DACH2: variants seen among roughly 807,000 people sequenced by gnomAD.
DACH2 encodes the protein dachshund family transcription factor 2.
A neutral mutation model predicts 35.8 loss-of-function variants in DACH2; 17 were observed. The observed-to-expected ratio is 0.48, with a 90% CI of 0.33 to 0.71. The LOEUF (loss-of-function observed/expected upper bound fraction) is 0.71, where lower values mean the gene tolerates loss of function less well. DACH2 is among the 30% of genes least tolerant of loss of function. The probability of loss-of-function intolerance (pLI) is 0.02; values close to 1 mark genes in which losing one functional copy is unlikely to be tolerated. For synonymous variants in DACH2, 195 were observed against 177.3 expected, an observed-to-expected ratio of 1.10 and a Z score of -0.79; for missense variants, 469 against 472.7, an observed-to-expected ratio of 0.99 and a Z score of 0.07.
At chrX:86,190,466 G>T (rs191022892) in intron 1 of DACH2, among the ~76,000 whole-genome samples, 2 of 111,546 alleles carry the variant, frequency 1.8e-5, no homozygotes, top group Non-Finnish European at 3.8e-5. Context: ...TTCTTGGAAC[G>T]CCTTCTTCAT....
intron 1 of DACH2, among the ~76,000 whole-genome samples, chrX:86,279,403 T>A (rs964839088): frequency 1.4e-4 from 16 of 111,285 alleles, no homozygotes; most frequent in Non-Finnish European, 5.7e-5. Context: ...GCAAAGAGGG[T>A]CTGGAGAGGA....
intron 3 of DACH2, among the ~76,000 whole-genome samples, chrX:86,614,101 A>C (rs2039977655): frequency 8.9e-6 from 1 of 112,075 alleles, no homozygotes; most frequent in Admixed American, 9.5e-5. Flanking sequence ...TCTGTTTTCA[A>C]GTGAGATACC....
Position 86,483,141 on chromosome X carries a change from T to TAA in DACH2, c.528-31129_528-31128dup, listed in dbSNP as rs764980235. Among the ~76,000 whole-genome samples the TAA allele has an allele frequency of 3.7e-4, 27 of 73,209 alleles. No homozygotes were observed. In the East Asian group the frequency reaches 4.6e-3, roughly 12 times the overall value. The allele number at this position is 73,209 out of a possible 115,157, so 63.6% of individuals were successfully genotyped here. On this transcript the variant is annotated intron_variant, in intron 2 of 11. Coordinates refer to ENST00000373125, the MANE Select transcript of DACH2 (RefSeq NM_053281.3). Reference sequence around the variant, plus strand: ...TACCCTAAAACTTAAAGTATAATAATAAAAAAAAAACAAGCATAAAAAAAA... The same window carrying TAA: ...TACCCTAAAACTTAAAGTATAATAATAAAAAAAAAAAACAAGCATAAAAAAAA...
chrX:86,603,117 G>T (rs2039811762), intron 3 of DACH2, among the ~76,000 whole-genome samples: 1 of 111,056 alleles, frequency 9.0e-6, no homozygotes, highest in African/African-American at 3.3e-5. Flanking sequence ...TGAGTGAATG[G>T]TCTACTCTAT....
intron 2 of DACH2, among the ~76,000 whole-genome samples, chrX:86,387,571 T>A (rs1438070357): frequency 9.0e-6 from 1 of 111,665 alleles, no homozygotes; most frequent in Admixed American, 9.6e-5. Context: ...ACCTAGGAAT[T>A]TCTCTTCCAG....
At position 86,587,097 on chromosome X, in the gene DACH2, G is replaced by A. The variant is rs376069746; in HGVS notation, c.641-63939G>A. On this transcript the variant is annotated intron_variant, in intron 3 of 11. Transcript: ENST00000373125. The stretch of plus-strand genomic sequence containing the variant: ...GTCATCTCTGATTTCTTTGAGCAGT[G>A]TTTTGTAATTCTCATTGTAGAGATC... Among the ~76,000 whole-genome samples the A allele has an allele frequency of 2.6e-4, 29 of 111,558 alleles. No homozygotes were observed. In the East Asian group the frequency reaches 2.8e-3, roughly 11 times the overall value.
intron 1 of DACH2, among the ~76,000 whole-genome samples, chrX:86,354,970 A>C (rs982839940): frequency 4.5e-5 from 5 of 111,837 alleles, no homozygotes; most frequent in African/African-American, 1.6e-4. Context: ...TTCCATGTGT[A>C]AATTGTGTGT....
intron 3 of DACH2, among the ~76,000 whole-genome samples, chrX:86,610,781 A>G (rs1569452459): frequency 2.7e-5 from 3 of 110,129 alleles, no homozygotes; most frequent in Non-Finnish European, 5.7e-5. Context: ...GGTGAATAAT[A>G]CTTGGCCTGG....
intron 3 of DACH2, among the ~76,000 whole-genome samples, chrX:86,617,080 T>C (rs2040013976): frequency 9.0e-6 from 1 of 111,575 alleles, no homozygotes; most frequent in South Asian, 3.7e-4. Context: ...AAGGTGTATG[T>C]CATTATTTCT....
At chrX:86,614,861 G>T (rs768515422) in intron 3 of DACH2, among the ~76,000 whole-genome samples, 1 of 111,567 alleles carries the variant, frequency 9.0e-6, no homozygotes, top group Admixed American at 9.5e-5. Context: ...ATGTAAATAA[G>T]GAAAAATTAT....
At chrX:86,649,007 C>T (rs2040447638) in intron 3 of DACH2, among the ~76,000 whole-genome samples, 1 of 109,766 alleles carries the variant, frequency 9.1e-6, no homozygotes, top group South Asian at 3.8e-4. Context: ...ATCTAGGTTC[C>T]ATCAGGAAAC....
chrX:86,203,144 C>A (rs1164964114), intron 1 of DACH2, among the ~76,000 whole-genome samples: 2 of 110,892 alleles, frequency 1.8e-5, no homozygotes. Context: ...TTCTTGAAGA[C>A]AGAGAAATAT....
intron 1 of DACH2, among the ~76,000 whole-genome samples, chrX:86,240,605 C>A (rs1400601222): frequency 1.8e-5 from 2 of 109,463 alleles, no homozygotes; most frequent in African/African-American, 6.7e-5. Flanking sequence ...GTAGCTGGGA[C>A]TATAAGCACA....
intron 1 of DACH2, among the ~76,000 whole-genome samples, chrX:86,358,105 T>C (rs2035672173): frequency 8.9e-6 from 1 of 111,813 alleles, no homozygotes; most frequent in Non-Finnish European, 1.9e-5. Flanking sequence ...TTCATCACCT[T>C]GTATTTTCCT....
intron 1 of DACH2, among the ~76,000 whole-genome samples, chrX:86,310,279 G>C (rs1466496497): frequency 8.9e-6 from 1 of 111,795 alleles, no homozygotes; most frequent in Non-Finnish European, 1.9e-5. Context: ...GTATATACAT[G>C]ATTGGGCACG....
intron 1 of DACH2, among the ~76,000 whole-genome samples, chrX:86,246,253 T>C (rs1029644768): frequency 2.1e-5 from 2 of 96,614 alleles, no homozygotes; most frequent in Non-Finnish European, 4.0e-5. Context: ...TTTGAAGATA[T>C]TGTCCATGAA....
Position 86,244,309 on chromosome X carries a change from A to G in DACH2, c.488+95201A>G, listed in dbSNP as rs1169690395. ...TCAATTGATTATCCCAATACTATCA[A>G]TACTTCTTCTAATACTGAATAAATT... On this transcript the variant is annotated intron_variant, in intron 1 of 11. Transcript: ENST00000373125. Among the ~76,000 whole-genome samples, 6 of 112,306 alleles carry G rather than the reference A, an allele frequency of 5.3e-5. No homozygotes were observed. In the East Asian group the frequency reaches 1.4e-3, roughly 26 times the overall value.
intron 6 of DACH2, among the ~76,000 whole-genome samples, chrX:86,729,558 C>A (rs373721081): frequency 2.9e-4 from 32 of 110,970 alleles, no homozygotes; most frequent in African/African-American, 1.0e-3. Flanking sequence ...TTGGGGGTGT[C>A]TAGGGGTGGA....
intron 3 of DACH2, among the ~76,000 whole-genome samples, chrX:86,528,066 T>A (rs1472474090): frequency 9.0e-6 from 1 of 111,383 alleles, no homozygotes; most frequent in African/African-American, 3.3e-5. Context: ...GGGCATATTA[T>A]CTGGGGATGA....
Sources: allele counts gnomAD v4.1 joint callset (sites outside exome capture counted in the v4.1 genomes callset), GRCh38; gene constraint gnomAD v4.1.1; transcripts MANE v1.5; gene names NCBI Gene and HGNC (gene_info 2026-07-23, HGNC 2026-07-21).